The following CREB5 variants were observed in gnomAD, a reference collection of about 807,000 sequenced individuals.
The protein encoded by CREB5 is cAMP responsive element binding protein 5.
CREB5 carries 19 observed loss-of-function variants against 57.1 expected under a neutral mutation model. That is an observed-to-expected ratio of 0.33 (90% CI 0.23 to 0.49). The LOEUF (loss-of-function observed/expected upper bound fraction) is 0.49, where lower values mean the gene tolerates loss of function less well. Among genes scored for constraint, CREB5 ranks in the 20% least tolerant of loss-of-function variants. The probability of loss-of-function intolerance (pLI) is 0.99; values close to 1 mark genes in which losing one functional copy is unlikely to be tolerated. For synonymous variants in CREB5, 238 were observed against 238.3 expected (o/e 1.00, Z 0.01); for missense variants, 579 against 671.6 (o/e 0.86, Z 1.52).
chr7:28,760,629 A>G (rs1359495750), intron 7 of CREB5, among the ~76,000 whole-genome samples: 3 of 152,038 alleles, frequency 2.0e-5, no homozygotes, highest in Admixed American at 2.0e-4. Context: ...ATTTATGAAG[A>G]AATATTTCCC....
chr7:28,347,836 C>T (rs1202677872), intron 1 of CREB5, among the ~76,000 whole-genome samples: 1 of 152,172 alleles, frequency 6.6e-6, no homozygotes, highest in Non-Finnish European at 1.5e-5. Context: ...TTCATAGTTG[C>T]ATCGACTCTG....
chr7:28,625,661 A>C (rs955930302), intron 5 of CREB5, among the ~76,000 whole-genome samples: 6 of 152,128 alleles, frequency 3.9e-5, no homozygotes, highest in Non-Finnish European at 7.4e-5. Flanking sequence ...AGGGGAAAAA[A>C]GTTATGTGTG....
At chr7:28,559,767 A>C (rs1795009117) in intron 4 of CREB5, among the ~76,000 whole-genome samples, 2 of 152,254 alleles carry the variant, frequency 1.3e-5, no homozygotes, top group Non-Finnish European at 2.9e-5. Flanking sequence ...TAATTTATAT[A>C]GTTCTGTGCC....
At chr7:28,666,226 C>A (rs998740220) in intron 5 of CREB5, among the ~76,000 whole-genome samples, 5 of 152,148 alleles carry the variant, frequency 3.3e-5, no homozygotes, top group African/African-American at 1.2e-4. Flanking sequence ...ATTCAAGCTA[C>A]AAAACACCTT....
At chr7:28,343,141 C>T (rs1400149986) in intron 1 of CREB5, among the ~76,000 whole-genome samples, 1 of 152,176 alleles carries the variant, frequency 6.6e-6, no homozygotes, top group Non-Finnish European at 1.5e-5. Context: ...AGGATTTCAC[C>T]GTGTTAGCCA....
chr7:28,782,327 A>C (rs555108795), intron 7 of CREB5, among the ~76,000 whole-genome samples: 1 of 152,044 alleles, frequency 6.6e-6, no homozygotes, highest in Non-Finnish European at 1.5e-5. Context: ...TATAATTATC[A>C]CACAGAATAT....
intron 1 of CREB5, among the ~76,000 whole-genome samples, chr7:28,321,445 A>G (rs1371121549): frequency 2.0e-5 from 3 of 152,066 alleles, no homozygotes; most frequent in Non-Finnish European, 4.4e-5. Context: ...CTCATACCCA[A>G]TCTATCACAG....
chr7:28,441,809 G>A (rs1789195823), intron 1 of CREB5, among the ~76,000 whole-genome samples: 1 of 152,016 alleles, frequency 6.6e-6, no homozygotes, highest in Non-Finnish European at 1.5e-5. Context: ...GCTCTTTATG[G>A]TTTTTAAAAA....
At chr7:28,354,902 A>G (rs935591291) in intron 1 of CREB5, among the ~76,000 whole-genome samples, 3 of 152,180 alleles carry the variant, frequency 2.0e-5, no homozygotes, top group Non-Finnish European at 4.4e-5. Context: ...AGACGTAAGG[A>G]TGAATGCCTG....
chr7:28,326,969 G>A (rs114902936), intron 1 of CREB5, among the ~76,000 whole-genome samples: 1,619 of 152,016 alleles, frequency 0.011, 30 homozygotes, highest in African/African-American at 0.037. Flanking sequence ...CCAACACGGC[G>A]AAACCCTGTC....
intron 5 of CREB5, among the ~76,000 whole-genome samples, chr7:28,628,194 T>C (rs965297041): frequency 6.6e-6 from 1 of 151,876 alleles, no homozygotes; most frequent in Admixed American, 6.6e-5. Context: ...CTCTCGTCAG[T>C]CTTTAGGGTC....
chr7:28,644,727 T>C (rs1798824801), intron 5 of CREB5, among the ~76,000 whole-genome samples: 1 of 152,040 alleles, frequency 6.6e-6, no homozygotes, highest in African/African-American at 2.4e-5. Context: ...TGCATCAATC[T>C]GCATCTAGAT....
chr7:28,776,348 AAAAG>A (rs1469147521), intron 7 of CREB5, among the ~76,000 whole-genome samples: 4 of 146,508 alleles, frequency 2.7e-5, no homozygotes, highest in Non-Finnish European at 4.6e-5. Flanking sequence ...AAAAAAAAAA[AAAAG>A]AAGAAGAAGA....
chr7:28,694,302 G>T (rs553122576), intron 5 of CREB5, among the ~76,000 whole-genome samples: 2 of 152,092 alleles, frequency 1.3e-5, no homozygotes, highest in South Asian at 4.1e-4. Flanking sequence ...TAGCATTTTC[G>T]CCTTTAGTTT....
chr7:28,649,244 C>T (rs12537775), intron 5 of CREB5, among the ~76,000 whole-genome samples: 13,496 of 152,294 alleles, frequency 0.089, 756 homozygotes, highest in South Asian at 0.16. Flanking sequence ...AACCATGGCC[C>T]ATGGGCCAAA....
intron 4 of CREB5, among the ~76,000 whole-genome samples, chr7:28,558,808 T>C (rs1292139875): frequency 2.0e-5 from 3 of 152,206 alleles, no homozygotes; most frequent in African/African-American, 7.2e-5. Flanking sequence ...TGGAGTCTCT[T>C]TGAAATGCTG....
intron 7 of CREB5, among the ~76,000 whole-genome samples, chr7:28,802,311 C>G (rs1808419766): frequency 6.6e-6 from 1 of 151,836 alleles, no homozygotes; most frequent in Admixed American, 6.6e-5. Flanking sequence ...ATCCTTTCCT[C>G]TTGTTTTTTA....
chr7:28,497,476 A>G (rs896671563), intron 3 of CREB5, among the ~76,000 whole-genome samples: 4 of 152,360 alleles, frequency 2.6e-5, no homozygotes, highest in African/African-American at 9.6e-5. Context: ...GAAAAACAGT[A>G]TGAGTATTAT....
chr7:28,627,487 G>T (rs1798045259), intron 5 of CREB5, among the ~76,000 whole-genome samples: 1 of 151,974 alleles, frequency 6.6e-6, no homozygotes, highest in Non-Finnish European at 1.5e-5. Context: ...TTTTACATGA[G>T]GTCACGGTTG....
Sources: gnomAD v4.1 joint callset for allele counts (sites outside exome capture counted in the v4.1 genomes callset) on GRCh38, gnomAD v4.1.1 for gene constraint, MANE v1.5 for transcripts, NCBI Gene and HGNC (gene_info 2026-07-23, HGNC 2026-07-21) for gene names.